PMS1: variants seen among roughly 807,000 people sequenced by gnomAD.
The protein encoded by PMS1 is PMS1 protein homolog 1.
In PMS1, 79 loss-of-function variants were observed where a neutral mutation model predicts 93.1. That is an observed-to-expected ratio of 0.85 (90% CI 0.71 to 1.02). The LOEUF (loss-of-function observed/expected upper bound fraction) is 1.02. PMS1 is among the 50% of genes least tolerant of loss of function. The probability of loss-of-function intolerance (pLI) is 0.00; values close to 1 mark genes in which losing one functional copy is unlikely to be tolerated. For synonymous variants in PMS1, 335 were observed against 363.4 expected (o/e 0.92, Z 0.89); for missense variants, 1,064 against 1,085.3 (o/e 0.98, Z 0.28).
At chr2:189,874,534 C>T (rs1367482885) in intron 12 of PMS1, among the ~76,000 whole-genome samples, 1 of 152,128 alleles carries the variant, frequency 6.6e-6, no homozygotes, top group Non-Finnish European at 1.5e-5. Context: ...AATAGTGTTT[C>T]CATCTATATA....
At chr2:189,831,814 C>G (rs2106373404) in intron 5 of PMS1, among the ~76,000 whole-genome samples, 1 of 152,080 alleles carries the variant, frequency 6.6e-6, no homozygotes, top group African/African-American at 2.4e-5. Context: ...CAGAATCTTG[C>G]TCTGTTGCCC....
chr2:189,836,526 G>A (rs753366897), intron 5 of PMS1, among the ~76,000 whole-genome samples: 1 of 152,164 alleles, frequency 6.6e-6, no homozygotes, highest in Admixed American at 6.5e-5. Flanking sequence ...TTGATGAAAC[G>A]GTAGAGAAAG....
Position 189,854,694 on chromosome 2 carries a change from T to A in PMS1, c.1422T>A (p.His474Gln). ...AGTCAGAAAATGGCAATAAAGACCA[T>A]ATAGATGAGAGTGGGGAAAATGAGG... ...HTQSENGNKD[H>Q]IDESGENEEE... The change falls in exon 9 of 13, where the codon CAT becomes CAA. Residue 474 changes from histidine (H) to glutamine (Q), a missense_variant. His to Gln is a conservative substitution (Grantham distance 24). Transcript: ENST00000441310. 3 of 1,613,826 alleles carry A rather than the reference T, an allele frequency of 1.9e-6. No individual in the cohort carries two copies. Among genetic ancestry groups the A allele is most frequent in the Non-Finnish European group, 2.5e-6 (3 of 1,179,834 alleles).
At chr2:189,815,512 G>T (rs2051217912) in intron 4 of PMS1, among the ~76,000 whole-genome samples, 3 of 152,108 alleles carry the variant, frequency 2.0e-5, no homozygotes, top group Non-Finnish European at 4.4e-5. Flanking sequence ...ATAAGTATTT[G>T]ACAGTTCCTC....
At chr2:189,845,723 T>C (rs998676704) in intron 6 of PMS1, among the ~76,000 whole-genome samples, 1 of 152,062 alleles carries the variant, frequency 6.6e-6, no homozygotes, top group Non-Finnish European at 1.5e-5. Context: ...TTGGCACTTA[T>C]ACTCATTTTT....
At position 189,805,725 on chromosome 2, in the gene PMS1, T is replaced by G. The variant is rs1204933136; in HGVS notation, c.389T>G (p.Leu130Arg). Residue 130 changes from leucine (L) to arginine (R), a missense_variant, in exon 4 of 13, where the codon CTT becomes CGT. Transcript: ENST00000441310. The stretch of plus-strand genomic sequence containing the variant: ...GTTTTAGATGGCAGTGGCCACATAC[T>G]TTCTCAGAAACCTTCACATCTTGGT... ...QYVLDGSGHILSQKPSHLGQG... is the reference protein window; with the variant it reads ...QYVLDGSGHIRSQKPSHLGQG... The G allele has an allele frequency of 6.2e-7, 1 of 1,613,782 alleles. No individual in the cohort carries two copies. Among genetic ancestry groups the G allele is most frequent in the African/African-American group, 1.3e-5 (1 of 74,920 alleles).
At chr2:189,843,104 G>A (rs943203823) in intron 5 of PMS1, among the ~76,000 whole-genome samples, 4 of 151,688 alleles carry the variant, frequency 2.6e-5, no homozygotes, top group Non-Finnish European at 5.9e-5. Flanking sequence ...TGCAACCTCC[G>A]CCTCCCCAGT....
At chr2:189,871,420 C>A (rs544770580) in intron 11 of PMS1, among the ~76,000 whole-genome samples, 1 of 152,318 alleles carries the variant, frequency 6.6e-6, no homozygotes, top group South Asian at 2.1e-4. Flanking sequence ...CCACAGACCA[C>A]AGGTTAGACA....
At chr2:189,827,939 TTTGA>T (rs1453517739) in intron 5 of PMS1, among the ~76,000 whole-genome samples, 1 of 148,508 alleles carries the variant, frequency 6.7e-6, no homozygotes, top group Non-Finnish European at 1.5e-5. Flanking sequence ...TGTTTGTTTG[TTTGA>T]GACAGAGTCT....
intron 5 of PMS1, among the ~76,000 whole-genome samples, chr2:189,820,866 C>T (rs1016124184): frequency 2.6e-5 from 4 of 152,038 alleles, no homozygotes; most frequent in Non-Finnish European, 5.9e-5. Context: ...TGATCAAAAT[C>T]TTTGATCATT....
intron 5 of PMS1, among the ~76,000 whole-genome samples, chr2:189,839,235 C>T (rs140387874): frequency 7.2e-5 from 11 of 152,324 alleles, no homozygotes; most frequent in African/African-American, 2.6e-4. Context: ...AAGTGATCCA[C>T]CCGCCTTGGC....
At chr2:189,855,837 A>T in intron 9 of PMS1, 1 of 1,045,162 alleles carries the variant, frequency 9.6e-7, no homozygotes, top group South Asian at 2.0e-5. Context: ...AGGACACTTA[A>T]TATAAACACA....
At chr2:189,832,104 G>C (rs921102042) in intron 5 of PMS1, among the ~76,000 whole-genome samples, 1 of 152,146 alleles carries the variant, frequency 6.6e-6, no homozygotes, top group Non-Finnish European at 1.5e-5. Flanking sequence ...AGGTTGTATG[G>C]GAAGGGAAAT....
At position 189,854,288 on chromosome 2, in the gene PMS1, C is replaced by T; in HGVS notation, c.1016C>T (p.Pro339Leu). Residue 339 changes from proline (P) to leucine (L), a missense_variant, in exon 9 of 13, where the codon CCA becomes CTA. By Grantham distance (98) the Pro-to-Leu change is moderately conservative. Coordinates refer to ENST00000441310, the MANE Select transcript of PMS1 (RefSeq NM_000534.5). Reference sequence around the variant, plus strand: ...AATCTGATGACGACTTGTTATGGACCATTACCTAGTACAAATTCTTATGAA... The same window carrying T: ...AATCTGATGACGACTTGTTATGGACTATTACCTAGTACAAATTCTTATGAA... Reference protein sequence around the residue: ...LENLMTTCYGPLPSTNSYENN... With the variant: ...LENLMTTCYGLLPSTNSYENN... 1.3e-6 allele frequency: 2 copies of T among 1,597,002 alleles called. No homozygotes were observed. Among genetic ancestry groups the T allele is most frequent in the Non-Finnish European group, 1.7e-6 (2 of 1,172,908 alleles).
chr2:189,806,901 T>C (rs1377619789), intron 4 of PMS1: 1 of 212,624 alleles, frequency 4.7e-6, no homozygotes. Flanking sequence ...GGTTTTGTTG[T>C]TGTTGTTTAT....
In PMS1 at chr2:189,864,032, G is replaced by A. The variant is rs757877460; in HGVS notation, c.2146G>A (p.Val716Ile). The A allele has an allele frequency of 5.0e-6, 8 of 1,610,912 alleles. No homozygotes were observed. Among genetic ancestry groups the A allele is most frequent in the Non-Finnish European group, 6.8e-6 (8 of 1,177,590 alleles). ...LKINFKKQNK[V>I]DLEEKDEPCL... is the part of the protein sequence containing the mutation. Reference sequence around the variant, plus strand: ...AATAAATTTTAAGAAACAAAACAAAGTTGACTTAGAAGAGAAGGATGAACC... The same window carrying A: ...AATAAATTTTAAGAAACAAAACAAAATTGACTTAGAAGAGAAGGATGAACC... The change falls in exon 10 of 13, where the codon GTT becomes ATT. Residue 716 changes from valine to isoleucine, a missense_variant. By Grantham distance (29) the Val-to-Ile change is conservative (BLOSUM62 3). Coordinates refer to ENST00000441310, the MANE Select transcript of PMS1 (RefSeq NM_000534.5).
At chr2:189,858,032 A>G (rs2055536044) in intron 9 of PMS1, among the ~76,000 whole-genome samples, 1 of 152,088 alleles carries the variant, frequency 6.6e-6, no homozygotes, top group Non-Finnish European at 1.5e-5. Context: ...AAGGTGAGGG[A>G]TGGATAATGG....
chr2:189,876,609 TATTA>T (rs1175680024), intron 12 of PMS1, among the ~76,000 whole-genome samples: 1 of 152,078 alleles, frequency 6.6e-6, no homozygotes, highest in East Asian at 1.9e-4. Flanking sequence ...GTTTCTTATT[TATTA>T]ATTTTTATTT....
rs1465085668 is a variant in PMS1 at position 189,867,919 on chromosome 2, A to C, written c.2463A>C (p.Lys821Asn). The C allele has an allele frequency of 6.2e-7, 1 of 1,610,148 alleles. No individual in the cohort carries two copies. The highest frequency in any genetic ancestry group is 1.3e-5 in the African/African-American group (1 of 74,860). Residue 821 changes from lysine to asparagine, a missense_variant, in exon 11 of 13, where the codon AAA becomes AAC. Physicochemically the swap from Lys to Asn is moderately conservative, Grantham distance 94. Coordinates refer to ENST00000441310, the MANE Select transcript of PMS1 (RefSeq NM_000534.5). ...TTACAGCGAATGGTTTCAAGATAAA[A>C]TTGATACCAGGTATGATAGTGTGGT... ...PRLTANGFKI[K>N]LIPGVSITEN...
Sources: allele counts gnomAD v4.1 joint callset (sites outside exome capture counted in the v4.1 genomes callset), GRCh38; gene constraint gnomAD v4.1.1; transcripts MANE v1.5; gene names NCBI Gene and HGNC (gene_info 2026-07-23, HGNC 2026-07-21).